The following PPP2R2C variants were observed in gnomAD, a reference collection of about 807,000 sequenced individuals.
PPP2R2C encodes the protein protein phosphatase 2 regulatory subunit Bgamma.
In PPP2R2C, 10 loss-of-function variants were observed where a neutral mutation model predicts 45.3. The ratio of observed to expected loss-of-function variants is 0.22; its 90% CI spans 0.14 to 0.37. PPP2R2C has a LOEUF of 0.37. Ranked by LOEUF, PPP2R2C falls within the 10% of genes least tolerant of loss-of-function variation. The pLI, the probability that PPP2R2C is intolerant of heterozygous loss-of-function variation, is 1.00. For missense variants in PPP2R2C, 308 were observed against 619.7 expected (o/e 0.50, Z 5.34); for synonymous variants, 257 against 245.4 (o/e 1.05, Z -0.44).
At chr4:6,440,258 G>A (rs1449141253) in intron 1 of PPP2R2C, among the ~76,000 whole-genome samples, 2 of 152,240 alleles carry the variant, frequency 1.3e-5, no homozygotes, top group Non-Finnish European at 2.9e-5. Context: ...ATGGACAGAT[G>A]AGTACATGTT....
chr4:6,402,688 T>C (rs186865356), intron 1 of PPP2R2C, among the ~76,000 whole-genome samples: 2 of 152,246 alleles, frequency 1.3e-5, no homozygotes, highest in Admixed American at 1.3e-4. Context: ...AGGGCTGCGA[T>C]GGAGGGAGAC....
At chr4:6,535,338 C>T (rs528496736) in exon 2 of PPP2R2C, 1 of 1,534,894 alleles carries the variant, frequency 6.5e-7, no homozygotes, top group African/African-American at 1.4e-5. Flanking sequence ...AGGTGACTAA[C>T]ACAGGTCATT....
chr4:6,366,492 C>A (rs80294370), intron 5 of PPP2R2C, among the ~76,000 whole-genome samples: 5 of 152,226 alleles, frequency 3.3e-5, no homozygotes, highest in Non-Finnish European at 5.9e-5. Context: ...AGAGGCCTCA[C>A]CCTGGGTTCC....
At chr4:6,342,413 A>G (rs1733522503) in intron 6 of PPP2R2C, among the ~76,000 whole-genome samples, 4 of 152,182 alleles carry the variant, frequency 2.6e-5, no homozygotes, top group Admixed American at 1.3e-4. Context: ...ATACTATAAC[A>G]CACCCATCAT....
intron 5 of PPP2R2C, among the ~76,000 whole-genome samples, chr4:6,363,615 C>T (rs931589067): frequency 1.3e-5 from 2 of 152,008 alleles, no homozygotes; most frequent in African/African-American, 4.8e-5. Context: ...GAAATACTAC[C>T]ACCATGGCCA....
At chr4:6,365,887 G>T (rs1714255663) in intron 5 of PPP2R2C, among the ~76,000 whole-genome samples, 1 of 152,170 alleles carries the variant, frequency 6.6e-6, no homozygotes. Flanking sequence ...TAAAAATAAA[G>T]CAGAGGTCCA....
At chr4:6,394,836 G>C (rs918118635) in intron 1 of PPP2R2C, among the ~76,000 whole-genome samples, 15 of 152,242 alleles carry the variant, frequency 9.9e-5, no homozygotes, top group Admixed American at 9.8e-4. Flanking sequence ...CTGGTGACAA[G>C]AACACCTCTC....
chr4:6,429,029 TC>T (rs1487481396), intron 1 of PPP2R2C, among the ~76,000 whole-genome samples: 1 of 152,246 alleles, frequency 6.6e-6, no homozygotes, highest in Non-Finnish European at 1.5e-5. Context: ...ACATATGTCC[TC>T]TTTGGCAACT....
At chr4:6,354,258 G>C (rs921263165) in intron 5 of PPP2R2C, among the ~76,000 whole-genome samples, 1 of 151,746 alleles carries the variant, frequency 6.6e-6, no homozygotes. Flanking sequence ...CTTGCCCAGC[G>C]TGCTGCCCCT....
intron 2 of PPP2R2C, among the ~76,000 whole-genome samples, chr4:6,490,563 A>G (rs1001872048): frequency 4.8e-4 from 73 of 152,214 alleles, no homozygotes; most frequent in African/African-American, 1.7e-3. Context: ...CCTGAGAAAC[A>G]GATGGACAGG....
intron 7 of PPP2R2C, among the ~76,000 whole-genome samples, chr4:6,333,337 G>C (rs1732566461): frequency 6.6e-6 from 1 of 152,222 alleles, no homozygotes; most frequent in Admixed American, 6.5e-5. Flanking sequence ...TGGACTGCAG[G>C]CCTTGCTCAG....
At chr4:6,468,547 C>T (rs185852905) in intron 1 of PPP2R2C, among the ~76,000 whole-genome samples, 3 of 152,256 alleles carry the variant, frequency 2.0e-5, no homozygotes, top group Admixed American at 6.5e-5. Flanking sequence ...AAGTGTGCTC[C>T]GGAAGTGCCT....
chr4:6,354,264 C>A (rs1215689466), intron 5 of PPP2R2C, among the ~76,000 whole-genome samples: 2 of 151,910 alleles, frequency 1.3e-5, no homozygotes, highest in African/African-American at 4.8e-5. Flanking sequence ...CAGCGTGCTG[C>A]CCCTGCCTGC....
chr4:6,411,182 T>C (rs1422289199), intron 1 of PPP2R2C, among the ~76,000 whole-genome samples: 1 of 152,090 alleles, frequency 6.6e-6, no homozygotes, highest in Non-Finnish European at 1.5e-5. Flanking sequence ...CCTAATCCCA[T>C]TTTAATGATG....
chr4:6,354,339 A>C (rs866031569), intron 5 of PPP2R2C, among the ~76,000 whole-genome samples: 16 of 151,996 alleles, frequency 1.1e-4, no homozygotes, highest in Non-Finnish European at 1.0e-4. Context: ...AGCAGTTCGA[A>C]GTTGCCGGAG....
At chr4:6,475,261 G>A (rs1208181091), upstream of PPP2R2C, among the ~76,000 whole-genome samples, 2 of 152,194 alleles carry the variant, frequency 1.3e-5, no homozygotes, top group Non-Finnish European at 2.9e-5. Context: ...GAACGGGGAG[G>A]AGGAGGTGCC....
chr4:6,408,591 G>A (rs1370242150), intron 1 of PPP2R2C, among the ~76,000 whole-genome samples: 1 of 152,216 alleles, frequency 6.6e-6, no homozygotes, highest in Non-Finnish European at 1.5e-5. Flanking sequence ...GAGCAGGCGA[G>A]TGATTTCAGA....
chr4:6,420,969 A>G (rs1718921096), intron 1 of PPP2R2C: 1 of 985,152 alleles, frequency 1.0e-6, no homozygotes, highest in Non-Finnish European at 1.2e-6. Flanking sequence ...GAAGGGCAGC[A>G]GCCAAGAGCT....
intron 5 of PPP2R2C, among the ~76,000 whole-genome samples, chr4:6,366,372 G>A (rs948788654): frequency 6.6e-6 from 1 of 152,182 alleles, no homozygotes; most frequent in African/African-American, 2.4e-5. Context: ...CAAAAAGGAG[G>A]TGTCTGTATC....
Sources: gnomAD v4.1 joint callset for allele counts (sites outside exome capture counted in the v4.1 genomes callset) on GRCh38, gnomAD v4.1.1 for gene constraint, MANE v1.5 for transcripts, NCBI Gene and HGNC (gene_info 2026-07-23, HGNC 2026-07-21) for gene names.